CADPS: variants seen among roughly 807,000 people sequenced by gnomAD.
CADPS encodes calcium-dependent secretion activator 1.
A neutral mutation model predicts 167.3 loss-of-function variants in CADPS; 57 were observed. The ratio of observed to expected loss-of-function variants is 0.34; its 90% CI spans 0.28 to 0.42. The LOEUF (loss-of-function observed/expected upper bound fraction) is 0.42, where lower values mean the gene tolerates loss of function less well. Among genes scored for constraint, CADPS ranks in the 20% least tolerant of loss-of-function variants. CADPS has a pLI of 1.00. For missense variants in CADPS, 1,414 were observed against 1,738.1 expected, an observed-to-expected ratio of 0.81 and a Z score of 3.32; for synonymous variants, 676 against 635.3, an observed-to-expected ratio of 1.06 and a Z score of -0.96.
intron 3 of CADPS, among the ~76,000 whole-genome samples, chr3:62,705,322 C>T (rs188791883): frequency 2.0e-5 from 3 of 152,212 alleles, no homozygotes; most frequent in Admixed American, 2.0e-4. Context: ...CCTCCTTTGC[C>T]CACAGATATC....
intron 3 of CADPS, among the ~76,000 whole-genome samples, chr3:62,715,338 G>C (rs1310009580): frequency 6.6e-6 from 1 of 150,418 alleles, no homozygotes; most frequent in Non-Finnish European, 1.5e-5. Flanking sequence ...ATGAGGTTTT[G>C]CCATGTTGGC....
intron 3 of CADPS, among the ~76,000 whole-genome samples, chr3:62,739,262 T>G (rs1370869620): frequency 1.3e-5 from 2 of 152,152 alleles, no homozygotes; most frequent in African/African-American, 4.8e-5. Context: ...TTATCCTAGA[T>G]CAATCCATAG....
intron 4 of CADPS, among the ~76,000 whole-genome samples, chr3:62,658,904 GAC>G (rs773441951): frequency 3.0e-4 from 45 of 152,294 alleles, no homozygotes; most frequent in Admixed American, 1.6e-3. Context: ...TAATGAATGT[GAC>G]ACATGGAGAT....
intron 3 of CADPS, among the ~76,000 whole-genome samples, chr3:62,716,779 T>C (rs1319903732): frequency 6.6e-6 from 1 of 152,200 alleles, no homozygotes; most frequent in Non-Finnish European, 1.5e-5. Flanking sequence ...TGACTGATTT[T>C]TTTTGGTTGA....
chr3:62,649,946 T>A (rs2069653971), intron 5 of CADPS, among the ~76,000 whole-genome samples: 1 of 152,192 alleles, frequency 6.6e-6, no homozygotes, highest in Non-Finnish European at 1.5e-5. Flanking sequence ...TATTCCATTG[T>A]ACGGGTATAC....
At chr3:62,499,460 A>C in intron 17 of CADPS, 192 bp from the exon 18 acceptor site, 1 of 428,466 alleles carries the variant, frequency 2.3e-6, no homozygotes, top group Non-Finnish European at 4.3e-6. Flanking sequence ...TTATTATAAT[A>C]TATATTAGAA....
intron 3 of CADPS, among the ~76,000 whole-genome samples, chr3:62,678,553 C>T (rs946615784): frequency 1.3e-5 from 2 of 151,986 alleles, no homozygotes; most frequent in Admixed American, 6.6e-5. Context: ...GAAGAAACTG[C>T]AATGAATTCA....
Position 62,411,107 on chromosome 3 carries a change from AAAAC to A in CADPS, c.3778-7926_3778-7923del, listed in dbSNP as rs376384009. Among the ~76,000 whole-genome samples the A allele has an allele frequency of 4.1e-4, 63 of 152,236 alleles. 1 individual carries two copies. Among genetic ancestry groups the A allele is most frequent in the African/African-American group, 1.3e-3 (53 of 41,534 alleles). On this transcript the variant is annotated intron_variant, in intron 28 of 29. Coordinates refer to ENST00000383710, the MANE Select transcript of CADPS (RefSeq NM_003716.4). The stretch of plus-strand genomic sequence containing the variant: ...AACAGAGCAAACCCCTGTCTCTGAA[AAAAC>A]AAACAAACAAACAAACAAACCCCAC...
intron 17 of CADPS, among the ~76,000 whole-genome samples, chr3:62,507,967 C>T (rs1333918563): frequency 6.6e-6 from 1 of 152,060 alleles, no homozygotes; most frequent in Non-Finnish European, 1.5e-5. Context: ...TTATTAGCAC[C>T]TTTTATAGAA....
intron 8 of CADPS, among the ~76,000 whole-genome samples, chr3:62,577,073 C>G (rs11130889): frequency 0.11 from 16,457 of 152,040 alleles, 1,100 homozygotes; most frequent in East Asian, 0.22. Context: ...GAAGATTCAT[C>G]TGTGTTCAAC....
intron 1 of CADPS, among the ~76,000 whole-genome samples, chr3:62,793,218 T>C (rs1239982972): frequency 6.6e-6 from 1 of 152,188 alleles, no homozygotes; most frequent in Non-Finnish European, 1.5e-5. Context: ...TTATAATGCT[T>C]GTGAAACATT....
intron 17 of CADPS, among the ~76,000 whole-genome samples, chr3:62,504,325 G>T (rs963946139): frequency 6.6e-6 from 1 of 152,124 alleles, no homozygotes; most frequent in Non-Finnish European, 1.5e-5. Flanking sequence ...TTAAAATCTG[G>T]TTTTCCACTG....
intron 18 of CADPS, 138 bp from the exon 19 acceptor site, chr3:62,493,803 T>G: frequency 1.4e-6 from 1 of 692,504 alleles, no homozygotes; most frequent in Non-Finnish European, 2.5e-6. Flanking sequence ...AGAGGGGAGA[T>G]GCTGGCCTGT....
intron 8 of CADPS, among the ~76,000 whole-genome samples, chr3:62,576,788 T>TTTA (rs1553936618): frequency 0.021 from 636 of 29,862 alleles, 21 homozygotes; most frequent in Non-Finnish European, 0.031. Flanking sequence ...AGACTCTGTC[T>TTTA]AAAAAAAAAA....
At chr3:62,622,274 G>A (rs558919689) in intron 6 of CADPS, among the ~76,000 whole-genome samples, 6 of 152,058 alleles carry the variant, frequency 3.9e-5, no homozygotes, top group African/African-American at 1.4e-4. Flanking sequence ...GATACTTCTC[G>A]CTCTCAACCA....
At chr3:62,600,315 G>A (rs1388748718) in intron 6 of CADPS, among the ~76,000 whole-genome samples, 5 of 151,910 alleles carry the variant, frequency 3.3e-5, no homozygotes, top group Non-Finnish European at 7.4e-5. Context: ...GGCTGCCAAC[G>A]GTATAGTGAT....
intron 4 of CADPS, among the ~76,000 whole-genome samples, chr3:62,658,845 A>T (rs1230793622): frequency 2.6e-5 from 4 of 152,134 alleles, no homozygotes; most frequent in Non-Finnish European, 5.9e-5. Flanking sequence ...GGCCAGTGAG[A>T]GTTCTGATTC....
At chr3:62,468,771 C>CT (rs564934861) in intron 24 of CADPS, among the ~76,000 whole-genome samples, 10 of 152,236 alleles carry the variant, frequency 6.6e-5, no homozygotes, top group African/African-American at 2.2e-4. Context: ...ATGAACGTTG[C>CT]TTTTTTTCTG....
Position 62,650,874 on chromosome 3 carries a change from T to G in CADPS, c.1176A>C (p.Ser392=), listed in dbSNP as rs765000158. 1.8e-5 allele frequency: 29 copies of G among 1,613,852 alleles called. No homozygotes were observed. The highest frequency in any genetic ancestry group is 2.4e-5 in the Non-Finnish European group (28 of 1,179,940). The change falls in exon 5 of 30, where the codon TCA becomes TCC. Residue 392 remains serine, a synonymous_variant. Coordinates refer to ENST00000383710, the MANE Select transcript of CADPS (RefSeq NM_003716.4). ...GEESENQLSK[S]DVVLSFSLEV... ...CCAATGAGAAAGACAGCACGACATC[T>G]GACTTGGAGAGCTGGTTCTCACTCT...
Sources: allele counts gnomAD v4.1 joint callset (sites outside exome capture counted in the v4.1 genomes callset), GRCh38; gene constraint gnomAD v4.1.1; transcripts MANE v1.5; gene names NCBI Gene and HGNC (gene_info 2026-07-23, HGNC 2026-07-21).